PLAA: variants seen among roughly 807,000 people sequenced by gnomAD.
PLAA encodes the protein phospholipase A-2-activating protein.
In PLAA, 48 loss-of-function variants were observed where a neutral mutation model predicts 84.1. That is an observed-to-expected ratio of 0.57 (90% CI 0.45 to 0.73). PLAA has a LOEUF of 0.73. PLAA is among the 30% of genes least tolerant of loss of function. The pLI, the probability that PLAA is intolerant of heterozygous loss-of-function variation, is 0.00. For missense variants in PLAA, 903 were observed against 954.7 expected, an observed-to-expected ratio of 0.95 and a Z score of 0.71; for synonymous variants, 392 against 336.6, an observed-to-expected ratio of 1.16 and a Z score of -1.80.
At chr9:26,934,860 G>A (rs10738762) in intron 2 of PLAA, among the ~76,000 whole-genome samples, 153 bp downstream of exon 2, 47,224 of 151,994 alleles carry the variant, frequency 0.31, 8,718 homozygotes, top group East Asian at 0.69. Flanking sequence ...GAATTTTTAC[G>A]GAACTAAGAT....
At chr9:26,916,073 A>G (rs976884323) in intron 10 of PLAA, 1 of 985,456 alleles carries the variant, frequency 1.0e-6, no homozygotes, top group Non-Finnish European at 1.2e-6. Context: ...ATCAATGCAC[A>G]TGGTACAACC....
chr9:26,927,127 C>CTTTTTTCTTT (rs903820078), intron 4 of PLAA, among the ~76,000 whole-genome samples: 1 of 136,784 alleles, frequency 7.3e-6, no homozygotes, highest in African/African-American at 2.8e-5. Flanking sequence ...TTTTGTTTTT[C>CTTTTTTCTTT]TTTTTTTTTT....
At chr9:26,924,182 T>C (rs1824865901) in intron 6 of PLAA, among the ~76,000 whole-genome samples, 3 of 152,104 alleles carry the variant, frequency 2.0e-5, no homozygotes, top group Admixed American at 1.3e-4. Flanking sequence ...TAGGCTGGAG[T>C]GCAGGGGCGG....
intron 13 of PLAA, 95 bp downstream of exon 13, chr9:26,907,739 A>C: frequency 9.1e-7 from 1 of 1,101,310 alleles, no homozygotes; most frequent in Non-Finnish European, 1.3e-6. Flanking sequence ...TACCGAAGTT[A>C]ACTTTCATTT....
chr9:26,915,770 T>A (rs151328733), intron 10 of PLAA: 1 of 985,276 alleles, frequency 1.0e-6, no homozygotes, highest in African/African-American at 1.7e-5. Context: ...CAGTGAGATA[T>A]GCTCTGGTTA....
chr9:26,904,604 A>T lies in PLAA; in HGVS notation c.*907T>A, dbSNP rs921947366. 1 of 152,152 alleles carries T rather than the reference A, an allele frequency of 6.6e-6. No homozygotes were observed. Among genetic ancestry groups the T allele is most frequent in the Non-Finnish European group, 1.5e-5 (1 of 68,000 alleles). 9.4% of individuals were successfully genotyped at this position (152,152 alleles called of 1,614,324 possible). On this transcript the variant is annotated 3_prime_UTR_variant, in exon 14 of 14. Coordinates refer to ENST00000397292, the MANE Select transcript of PLAA (RefSeq NM_001031689.3). Reference sequence around the variant, plus strand: ...CATTTAAAGGGGTTTTAAGGATTAAATATCAGTGTGTCTACTATTCTGCCT... The same window carrying T: ...CATTTAAAGGGGTTTTAAGGATTAATTATCAGTGTGTCTACTATTCTGCCT...
chr9:26,944,391 A>G (rs1825626590), intron 1 of PLAA, among the ~76,000 whole-genome samples: 1 of 152,198 alleles, frequency 6.6e-6, no homozygotes, highest in Admixed American at 6.5e-5. Flanking sequence ...AATATGTCAG[A>G]TTTGAGGACA....
At chr9:26,928,484 C>A in intron 2 of PLAA, 76 bp from the exon 3 acceptor site, 1 of 1,023,420 alleles carries the variant, frequency 9.8e-7, no homozygotes, top group Non-Finnish European at 1.5e-6. Context: ...TAAAGCATTC[C>A]AATTTTAAAA....
chr9:26,914,052 C>T, intron 10 of PLAA, 105 bp from the exon 11 acceptor site: 1 of 741,508 alleles, frequency 1.3e-6, no homozygotes. Flanking sequence ...ACAATGGCGT[C>T]ATTATATACA....
intron 1 of PLAA, among the ~76,000 whole-genome samples, chr9:26,945,880 G>A (rs1825682671): frequency 6.6e-6 from 1 of 152,164 alleles, no homozygotes; most frequent in Non-Finnish European, 1.5e-5. Context: ...CCTCAGAGAG[G>A]CTTCCTTTAA....
Position 26,925,789 on chromosome 9 carries a change from C to T in PLAA, c.869+36G>A. The T allele has an allele frequency of 1.9e-6, 3 of 1,601,662 alleles. No homozygotes were observed. The South Asian group carries it at 3.3e-5, about 18-fold the overall frequency. ...CTCTAGTTCCTACTGAAGGCCTAGA[C>T]ATATAACATTTAATGATTGACTAGA... On this transcript the variant is annotated intron_variant, in intron 6 of 13. Coordinates refer to ENST00000397292, the MANE Select transcript of PLAA (RefSeq NM_001031689.3).
chr9:26,917,287 T>C, intron 9 of PLAA, 122 bp from the exon 10 acceptor site: 1 of 699,592 alleles, frequency 1.4e-6, no homozygotes, highest in East Asian at 2.6e-5. Context: ...AACTTTCACA[T>C]GATAGAATGA....
chr9:26,935,764 TACTAAC>T (rs1343334619), intron 1 of PLAA, among the ~76,000 whole-genome samples: 1 of 151,986 alleles, frequency 6.6e-6, no homozygotes. Context: ...GCATAAAATA[TACTAAC>T]ACTAATGATA....
Position 26,928,257 on chromosome 9 carries a change from G to T in PLAA, c.445-37C>A, listed in dbSNP as rs767546122. The T allele has an allele frequency of 1.9e-6, 3 of 1,613,910 alleles. No individual in the cohort carries two copies. In the South Asian group the frequency reaches 3.3e-5, roughly 18 times the overall value. On this transcript the variant is annotated intron_variant, in intron 3 of 13. Transcript: ENST00000397292. ...ATGAGTATCAATTTAAGTTGCCACA[G>T]AATCATTCAACTTAATTATTCTTTA...
At chr9:26,917,501 C>T (rs527649181) in intron 9 of PLAA, among the ~76,000 whole-genome samples, 2 of 152,282 alleles carry the variant, frequency 1.3e-5, no homozygotes, top group African/African-American at 4.8e-5. Context: ...GTCCCTGTTC[C>T]TATACAAATT....
intron 1 of PLAA, among the ~76,000 whole-genome samples, chr9:26,939,640 G>A (rs529555794): frequency 2.0e-5 from 3 of 151,962 alleles, no homozygotes; most frequent in African/African-American, 4.8e-5. Context: ...AATCCAGCTC[G>A]GTGCTGTTTA....
rs921227992 is a variant in PLAA at position 26,913,733 on chromosome 9, T to G, written c.1555+146A>C. On this transcript the variant is annotated intron_variant, in intron 11 of 13. Coordinates refer to ENST00000397292, the MANE Select transcript of PLAA (RefSeq NM_001031689.3). ...AGTAATCAGACAATTCTGAGAAAAC[T>G]CAAAAAGCCAGACAAGTTTGGTCTC... 10 of 583,296 alleles carry G rather than the reference T, an allele frequency of 1.7e-5. No individual in the cohort carries two copies. In the South Asian group the frequency reaches 2.3e-4, roughly 14 times the overall value. The allele number at this position is 583,296 out of a possible 1,614,324, so 36.1% of individuals were successfully genotyped here.
intron 2 of PLAA, 121 bp downstream of exon 2, chr9:26,934,890 TAC>T: frequency 1.4e-6 from 1 of 712,298 alleles, no homozygotes; most frequent in Non-Finnish European, 2.2e-6. Flanking sequence ...GCGTTTCCAT[TAC>T]CAAACCACAG....
At chr9:26,931,683 G>T (rs1825189567) in intron 2 of PLAA, among the ~76,000 whole-genome samples, 1 of 152,054 alleles carries the variant, frequency 6.6e-6, no homozygotes, top group South Asian at 2.1e-4. Context: ...TGAGATTGTG[G>T]GAAATTCTAC....
Sources: allele counts gnomAD v4.1 joint callset (sites outside exome capture counted in the v4.1 genomes callset), GRCh38; gene constraint gnomAD v4.1.1; transcripts MANE v1.5; gene names NCBI Gene and HGNC (gene_info 2026-07-23, HGNC 2026-07-21).